The following LRGUK variants were observed in gnomAD, a reference collection of about 807,000 sequenced individuals.
LRGUK encodes leucine-rich repeat and guanylate kinase domain-containing protein.
LRGUK carries 65 observed loss-of-function variants against 76.0 expected under a neutral mutation model. That is an observed-to-expected ratio of 0.85 (90% CI 0.70 to 1.05). LRGUK has a LOEUF of 1.05. Among genes scored for constraint, LRGUK ranks in the 50% least tolerant of loss-of-function variants. The probability of loss-of-function intolerance (pLI) is 0.00; values close to 1 mark genes in which losing one functional copy is unlikely to be tolerated. For synonymous variants in LRGUK, 268 were observed against 265.6 expected (o/e 1.01, Z -0.09); for missense variants, 758 against 732.8 (o/e 1.03, Z -0.40).
At position 134,163,490 on chromosome 7, in the gene LRGUK, G is replaced by GCT; in HGVS notation, c.889_890insCT (p.Gly297AlafsTer3). ...CCACAATCAGATAAGCAGCCTCCAAGGCTTAGAGAATCATGACCTCCTGGA... is the reference window on the plus strand; with the variant it reads ...CCACAATCAGATAAGCAGCCTCCAAGCTGCTTAGAGAATCATGACCTCCTGGA... On this transcript the variant is annotated frameshift_variant, in exon 7 of 16. Transcript: ENST00000645682. LOFTEE classifies it high-confidence loss of function. 2.5e-6 allele frequency: 4 copies of GCT among 1,613,894 alleles called. No homozygotes were observed. Among genetic ancestry groups the GCT allele is most frequent in the Non-Finnish European group, 3.4e-6 (4 of 1,179,950 alleles).
At chr7:134,243,166 C>T (rs1486126172) in intron 16 of LRGUK, among the ~76,000 whole-genome samples, 1 of 152,154 alleles carries the variant, frequency 6.6e-6, no homozygotes, top group African/African-American at 2.4e-5. Context: ...CCCTCTCTCA[C>T]CACTCCTATT....
At chr7:134,261,012 G>A (rs1018050686) in intron 19 of LRGUK, among the ~76,000 whole-genome samples, 2 of 152,188 alleles carry the variant, frequency 1.3e-5, no homozygotes, top group South Asian at 4.1e-4. Flanking sequence ...CCCACCATTT[G>A]AGTGTGGCTT....
At chr7:134,244,691 A>G (rs1563198166) in intron 16 of LRGUK, among the ~76,000 whole-genome samples, 2 of 152,222 alleles carry the variant, frequency 1.3e-5, no homozygotes, top group African/African-American at 4.8e-5. Flanking sequence ...TGACCCAGCC[A>G]TCCCATTACT....
intron 8 of LRGUK, among the ~76,000 whole-genome samples, chr7:134,175,966 T>G: frequency 6.6e-6 from 1 of 152,044 alleles, no homozygotes; most frequent in East Asian, 1.9e-4. Flanking sequence ...AATATTAAAG[T>G]TTCATTATTT....
rs375978522 is a variant in LRGUK, at chr7:134,158,275, G to A, written c.795+116G>A. 17 of 907,236 alleles carry A rather than the reference G, an allele frequency of 1.9e-5. No individual in the cohort carries two copies. In the Middle Eastern group the frequency reaches 1.0e-3, roughly 54 times the overall value. 56.2% of individuals were successfully genotyped at this position (907,236 alleles called of 1,614,324 possible). The stretch of plus-strand genomic sequence containing the variant: ...TAAAGAGAAAATTCCTTCATGAAAT[G>A]TTATTGTCTTCAGTTTTGTTTGCTC... On this transcript the variant is annotated intron_variant, in intron 6 of 15. Coordinates refer to ENST00000645682, the Ensembl canonical transcript of LRGUK.
intron 6 of LRGUK, 43 bp from the exon 7 acceptor site, chr7:134,163,354 T>G: frequency 6.5e-7 from 1 of 1,537,520 alleles, no homozygotes; most frequent in Non-Finnish European, 8.8e-7. Context: ...AACTTTTCCT[T>G]GAGAGGTCTT....
chr7:134,157,531 G>C (rs573845319), intron 5 of LRGUK, among the ~76,000 whole-genome samples: 7 of 152,134 alleles, frequency 4.6e-5, no homozygotes, highest in Non-Finnish European at 8.8e-5. Flanking sequence ...CAAAAGCTAT[G>C]CGTTTTTTTG....
At chr7:134,275,690 A>G in the LRGUK span, among the ~76,000 whole-genome samples, 1 of 152,224 alleles carries the variant, frequency 6.6e-6, no homozygotes, top group South Asian at 2.1e-4. Flanking sequence ...TTGAATGAGA[A>G]GTTTAGGAGA....
At chr7:134,250,652 C>T (rs1014539074) in intron 18 of LRGUK, among the ~76,000 whole-genome samples, 2 of 152,136 alleles carry the variant, frequency 1.3e-5, no homozygotes, top group African/African-American at 4.8e-5. Context: ...AAATGGTCCC[C>T]TCTCAGTCTG....
At chr7:134,204,320 G>C (rs1382144072) in intron 15 of LRGUK, among the ~76,000 whole-genome samples, 1 of 152,150 alleles carries the variant, frequency 6.6e-6, no homozygotes, top group Non-Finnish European at 1.5e-5. Context: ...TGATTCTAAC[G>C]GGTATAATAA....
intron 5 of LRGUK, among the ~76,000 whole-genome samples, chr7:134,150,598 A>G (rs553710078): frequency 1.2e-4 from 19 of 152,184 alleles, no homozygotes; most frequent in Non-Finnish European, 2.4e-4. Context: ...TGATGATGCC[A>G]TGGCAGTCTG....
intron 16 of LRGUK, among the ~76,000 whole-genome samples, chr7:134,230,626 T>C (rs1801867722): frequency 6.6e-6 from 1 of 152,188 alleles, no homozygotes; most frequent in Admixed American, 6.5e-5. Flanking sequence ...AATTTTTGAA[T>C]AGTCATATAA....
At chr7:134,239,528 G>C (rs1802089436) in intron 16 of LRGUK, among the ~76,000 whole-genome samples, 1 of 152,224 alleles carries the variant, frequency 6.6e-6, no homozygotes, top group Non-Finnish European at 1.5e-5. Context: ...GCTGAGGCTT[G>C]AGTAGGTAAA....
At chr7:134,220,373 T>G (rs1053361414) in intron 15 of LRGUK, among the ~76,000 whole-genome samples, 2 of 152,168 alleles carry the variant, frequency 1.3e-5, no homozygotes, top group Non-Finnish European at 2.9e-5. Context: ...TTACCTTGTG[T>G]TATTGGTTTG....
Position 134,163,555 on chromosome 7 carries a change from C to T in LRGUK, c.939+15C>T, listed in dbSNP as rs1401106137. ...AGGATAATAAGGTAGTGTTGCACTT[C>T]ACATGTCTTGGTTTCAGTGTTGACA... is the stretch of plus-strand genomic sequence containing the variant. On this transcript the variant is annotated intron_variant, in intron 7 of 15. Transcript: ENST00000645682. The T allele has an allele frequency of 6.3e-7, 1 of 1,595,970 alleles. No individual in the cohort carries two copies. Among genetic ancestry groups the T allele is most frequent in the African/African-American group, 1.3e-5 (1 of 74,614 alleles).
chr7:134,263,862 T>C, exon 20 of LRGUK: 1 of 1,610,458 alleles, frequency 6.2e-7, no homozygotes, highest in Non-Finnish European at 8.5e-7. Context: ...TATACAATCA[T>C]TTTCACATGA....
chr7:134,266,253 G>GA (rs36097338), downstream of LRGUK, among the ~76,000 whole-genome samples: 14,607 of 152,100 alleles, frequency 0.096, 1,801 homozygotes, highest in African/African-American at 0.28. Flanking sequence ...CAAGAATTAG[G>GA]AAAATGTCAA....
chr7:134,194,001 A>G (rs1385196859), intron 12 of LRGUK, among the ~76,000 whole-genome samples: 1 of 152,132 alleles, frequency 6.6e-6, no homozygotes, highest in Non-Finnish European at 1.5e-5. Flanking sequence ...TAACATGCCC[A>G]CAGATATGAG....
rs1220729219 is a variant in LRGUK at position 134,191,809 on chromosome 7, TGTTAGGAAATA to T, written c.1431+63_1431+73del. Reference sequence around the variant, plus strand: ...AGAAATACACGTTCTCTGGCAAAAATGTTAGGAAATAGTTATAAATAAAAAAAGGAAGAATT... The same window carrying T: ...AGAAATACACGTTCTCTGGCAAAAATGTTATAAATAAAAAAAGGAAGAATT... On this transcript the variant is annotated intron_variant, in intron 12 of 15. Transcript: ENST00000645682. The T allele has an allele frequency of 2.6e-6, 3 of 1,148,118 alleles. No homozygotes were observed. The African/African-American group carries it at 4.7e-5, about 18-fold the overall frequency. The allele number at this position is 1,148,118 out of a possible 1,614,324, so 71.1% of individuals were successfully genotyped here. A position where few individuals can be genotyped will look rare whatever the true frequency, so the allele number is the denominator to read the frequency against.
Sources: gnomAD v4.1 joint callset for allele counts (sites outside exome capture counted in the v4.1 genomes callset) on GRCh38, gnomAD v4.1.1 for gene constraint, MANE v1.5 for transcripts, NCBI Gene and HGNC (gene_info 2026-07-23, HGNC 2026-07-21) for gene names.